The following FANCB variants were observed in gnomAD, a reference collection of about 807,000 sequenced individuals.
FANCB encodes FA complementation group B.
In FANCB, 5 loss-of-function variants were observed where a neutral mutation model predicts 38.9. The observed-to-expected ratio is 0.13, with a 90% CI of 0.07 to 0.27. FANCB has a LOEUF of 0.27. FANCB is among the 10% of genes least tolerant of loss of function. FANCB has a pLI of 1.00. For synonymous variants in FANCB, 236 were observed against 215.4 expected, an observed-to-expected ratio of 1.10 and a Z score of -0.84; for missense variants, 573 against 602.7, an observed-to-expected ratio of 0.95 and a Z score of 0.52.
At chrX:14,702,792 C>T in the FANCB span, among the ~76,000 whole-genome samples, 47 of 111,640 alleles carry the variant, frequency 4.2e-4, no homozygotes, top group South Asian at 0.015. Context: ...GGCAGTAATA[C>T]ACAACAAAGT....
chrX:14,872,442 C>T (rs1212223262), intron 1 of FANCB, among the ~76,000 whole-genome samples: 2 of 111,953 alleles, frequency 1.8e-5, no homozygotes, highest in Admixed American at 1.9e-4. Flanking sequence ...CTAAATCTTT[C>T]TCAACCTTGA....
chrX:14,790,780 T>C, the FANCB span, among the ~76,000 whole-genome samples: 14 of 111,241 alleles, frequency 1.3e-4, no homozygotes, highest in African/African-American at 3.3e-4. Context: ...CACAAGAGTG[T>C]TGGTCATTTG....
At chrX:14,814,905 G>A in the FANCB span, among the ~76,000 whole-genome samples, 338 of 112,043 alleles carry the variant, frequency 3.0e-3, 1 homozygote, top group African/African-American at 9.9e-3. Flanking sequence ...TAATAGCAAA[G>A]ACTTGGAACC....
At chrX:14,707,573 C>CACCCTCT in the FANCB span, among the ~76,000 whole-genome samples, 1 of 74,762 alleles carries the variant, frequency 1.3e-5, no homozygotes, top group Admixed American at 1.9e-4. Context: ...CCCCACCCTC[C>CACCCTCT]ACCCTCTAAA....
At chrX:14,716,305 A>T in the FANCB span, among the ~76,000 whole-genome samples, 33 of 111,769 alleles carry the variant, frequency 3.0e-4, no homozygotes, top group African/African-American at 1.0e-3. Flanking sequence ...GAACAAAAAA[A>T]AATTGAGGGA....
the FANCB span, among the ~76,000 whole-genome samples, chrX:14,825,552 C>T: frequency 4.6e-4 from 51 of 111,928 alleles, no homozygotes; most frequent in Middle Eastern, 4.6e-3. Context: ...TTAAACATTC[C>T]GATGGTTTTC....
the FANCB span, among the ~76,000 whole-genome samples, chrX:14,780,828 C>G: frequency 3.7e-3 from 367 of 100,164 alleles, 16 homozygotes; most frequent in African/African-American, 0.015. Context: ...TTTTTTCCAA[C>G]CATTAAAAAA....
At chrX:14,848,715 C>G (rs1305233147) in intron 7 of FANCB, among the ~76,000 whole-genome samples, 4 of 111,758 alleles carry the variant, frequency 3.6e-5, no homozygotes, top group Non-Finnish European at 7.5e-5. Context: ...TACTGTACTT[C>G]TACATACAAA....
chrX:14,860,877 T>C (rs951698308), intron 3 of FANCB, among the ~76,000 whole-genome samples: 14 of 110,854 alleles, frequency 1.3e-4, no homozygotes, highest in African/African-American at 3.6e-4. Context: ...CTCAATTTTA[T>C]TGACAGATGG....
Position 14,844,738 on chromosome X carries a change from G to A in FANCB, c.1930C>T (p.His644Tyr), listed in dbSNP as rs772271125. Residue 644 changes from histidine to tyrosine, a missense_variant and splice_region_variant, in exon 9 of 10, where the codon CAC becomes TAC. Physicochemically the swap from His to Tyr is moderately conservative, Grantham distance 83. Transcript: ENST00000650831. ...AGAAGTGCAAAAAGATCTTCCATGT[G>A]CTCTACAAAAAAAGTCACAAGCTCT... ...LTFPKKKPIE[H>Y]MEDLFALLAA... 2.5e-6 allele frequency: 3 copies of A among 1,198,864 alleles called. No homozygotes were observed. Among genetic ancestry groups the A allele is most frequent in the South Asian group, 1.8e-5 (1 of 56,655 alleles).
chrX:14,866,344 C>G (rs942611391), intron 2 of FANCB, among the ~76,000 whole-genome samples: 4 of 112,095 alleles, frequency 3.6e-5, no homozygotes, highest in African/African-American at 9.7e-5. Flanking sequence ...TATTATATGG[C>G]AGGTACAATA....
At chrX:14,706,932 A>G in the FANCB span, among the ~76,000 whole-genome samples, 1 of 112,251 alleles carries the variant, frequency 8.9e-6, no homozygotes, top group Non-Finnish European at 1.9e-5. Context: ...TCGTACAGCC[A>G]ATTCCTGACT....
the FANCB span, among the ~76,000 whole-genome samples, chrX:14,790,250 T>G: frequency 1.7e-4 from 19 of 112,093 alleles, no homozygotes; most frequent in South Asian, 6.3e-3. Flanking sequence ...AAATTTATAT[T>G]CCATTACCTT....
chrX:14,822,980 C>T, the FANCB span, among the ~76,000 whole-genome samples: 1 of 109,804 alleles, frequency 9.1e-6, no homozygotes, highest in African/African-American at 3.3e-5. Flanking sequence ...TAGTTTCAGA[C>T]ATATAGCCTG....
At chrX:14,740,900 C>T in the FANCB span, among the ~76,000 whole-genome samples, 1 of 111,313 alleles carries the variant, frequency 9.0e-6, no homozygotes, top group East Asian at 2.8e-4. Flanking sequence ...CAGCATTTGA[C>T]ACTTTCTGAC....
At chrX:14,787,475 T>C in the FANCB span, among the ~76,000 whole-genome samples, 2 of 110,658 alleles carry the variant, frequency 1.8e-5, no homozygotes, top group African/African-American at 3.3e-5. Context: ...TAGTGATCTA[T>C]TGCAAAATAT....
chrX:14,736,713 TG>T, the FANCB span, among the ~76,000 whole-genome samples: 1 of 112,225 alleles, frequency 8.9e-6, no homozygotes, highest in Admixed American at 9.4e-5. Flanking sequence ...ATTATTTAAA[TG>T]ACAATGATAA....
intron 9 of FANCB, 146 bp downstream of exon 9, chrX:14,844,357 C>T (rs1415411865): frequency 1.2e-5 from 6 of 496,297 alleles, no homozygotes; most frequent in Admixed American, 3.3e-5. Flanking sequence ...TAAATGAAGC[C>T]GATGCGTTCA....
At chrX:14,719,774 AAAGAC>A in the FANCB span, among the ~76,000 whole-genome samples, 8 of 112,191 alleles carry the variant, frequency 7.1e-5, no homozygotes, top group African/African-American at 1.9e-4. Context: ...ACTATTTACA[AAAGAC>A]AAGACATAAA....
Sources: allele counts gnomAD v4.1 joint callset (sites outside exome capture counted in the v4.1 genomes callset), GRCh38; gene constraint gnomAD v4.1.1; transcripts MANE v1.5; gene names NCBI Gene and HGNC (gene_info 2026-07-23, HGNC 2026-07-21).